The following RHOH variants were observed in gnomAD, a reference collection of about 807,000 sequenced individuals.
RHOH encodes rho-related GTP-binding protein RhoH.
RHOH carries 6 observed loss-of-function variants against 13.8 expected under a neutral mutation model. That is an observed-to-expected ratio of 0.44 (90% CI 0.24 to 0.86). The LOEUF is 0.86. Among genes scored for constraint, RHOH ranks in the 40% least tolerant of loss-of-function variants. The probability of loss-of-function intolerance (pLI) is 0.24; values close to 1 mark genes in which losing one functional copy is unlikely to be tolerated. For synonymous variants in RHOH, 117 were observed against 103.0 expected (o/e 1.14, Z -0.82); for missense variants, 147 against 244.5 (o/e 0.60, Z 2.66).
chr4:40,230,799 A>G (rs2109509454), intron 1 of RHOH, among the ~76,000 whole-genome samples: 1 of 152,228 alleles, frequency 6.6e-6, no homozygotes, highest in Admixed American at 6.5e-5. Context: ...GAGAGAATGA[A>G]ACAGACCTTT....
At chr4:40,211,146 A>C (rs1725221405) in intron 1 of RHOH, among the ~76,000 whole-genome samples, 1 of 152,202 alleles carries the variant, frequency 6.6e-6, no homozygotes, top group African/African-American at 2.4e-5. Flanking sequence ...ACTGTGTCTT[A>C]TTTCGATGTA....
chr4:40,207,336 C>T (rs575978016), intron 1 of RHOH, among the ~76,000 whole-genome samples: 2 of 152,130 alleles, frequency 1.3e-5, no homozygotes, highest in African/African-American at 2.4e-5. Context: ...TTTGAATTAA[C>T]AAAAGGCAAC....
chr4:40,195,356 T>A (rs1336769387), upstream of RHOH, among the ~76,000 whole-genome samples: 1 of 32,094 alleles, frequency 3.1e-5, no homozygotes, highest in Non-Finnish European at 7.1e-5. Context: ...TTCTTTCTTT[T>A]CCTTCCTTCC....
intron 1 of RHOH, among the ~76,000 whole-genome samples, chr4:40,208,625 A>C (rs921932906): frequency 1.3e-5 from 2 of 152,120 alleles, no homozygotes; most frequent in Non-Finnish European, 2.9e-5. Flanking sequence ...CTTTTTTCAG[A>C]AAAATTGTGA....
upstream of RHOH, among the ~76,000 whole-genome samples, chr4:40,196,706 T>TC (rs1484430714): frequency 3.3e-5 from 5 of 151,640 alleles, no homozygotes; most frequent in Admixed American, 6.6e-5. Flanking sequence ...TTTTTTTTTT[T>TC]TTTTTGGTAA....
chr4:40,219,410 C>CAA (rs35585203), intron 1 of RHOH, among the ~76,000 whole-genome samples: 1,214 of 92,574 alleles, frequency 0.013, 34 homozygotes, highest in African/African-American at 0.053. Context: ...GACTCCATCT[C>CAA]AAAAAAAAAA....
chr4:40,217,710 C>T (rs1010625108), intron 1 of RHOH, among the ~76,000 whole-genome samples: 1 of 152,190 alleles, frequency 6.6e-6, no homozygotes, highest in East Asian at 1.9e-4. Flanking sequence ...GGCAGCTTGA[C>T]TTGTATTTTA....
At chr4:40,234,037 G>A (rs1163460709) in intron 1 of RHOH, among the ~76,000 whole-genome samples, 10 of 152,306 alleles carry the variant, frequency 6.6e-5, no homozygotes, top group Non-Finnish European at 1.5e-4. Flanking sequence ...TCAGCCATGC[G>A]TGGGCCATAG....
chr4:40,233,851 G>A (rs540889615), intron 1 of RHOH, among the ~76,000 whole-genome samples: 5 of 151,816 alleles, frequency 3.3e-5, no homozygotes, highest in Non-Finnish European at 7.4e-5. Flanking sequence ...GCTTGAACTT[G>A]GGAGGCAGAG....
chr4:40,245,853 C>T lies in RHOH; in HGVS notation c.*1891C>T, dbSNP rs1729732976. ...CACACATTGCTTTCTCCTTCTCTCTCTCCTCCTATCCACAGCCAGTAAAAG... is the reference window on the plus strand; with the variant it reads ...CACACATTGCTTTCTCCTTCTCTCTTTCCTCCTATCCACAGCCAGTAAAAG... On this transcript the variant is annotated 3_prime_UTR_variant, in exon 3 of 3. Transcript: ENST00000381799. 6.6e-6 allele frequency: 1 copy of T among 152,290 alleles called. No homozygotes were observed. The highest frequency in any genetic ancestry group is 6.5e-5 in the Admixed American group (1 of 15,294). The allele number at this position is 152,290 out of a possible 1,614,324, so 9.4% of individuals were successfully genotyped here.
intron 1 of RHOH, 71 bp downstream of exon 1, chr4:40,197,371 T>C (rs1723292508): frequency 6.6e-6 from 1 of 152,160 alleles, no homozygotes; most frequent in South Asian, 2.1e-4. Flanking sequence ...ATTTAGCTTT[T>C]ACTCTAGGCC....
At chr4:40,203,901 C>T (rs1254021776) in intron 1 of RHOH, among the ~76,000 whole-genome samples, 3 of 152,034 alleles carry the variant, frequency 2.0e-5, no homozygotes, top group Non-Finnish European at 4.4e-5. Context: ...GGTTATTAAA[C>T]CCGTGGTAGA....
chr4:40,192,828 G>C (rs1012671025), upstream of RHOH: 10 of 152,296 alleles, frequency 6.6e-5, no homozygotes, highest in African/African-American at 2.4e-4. Flanking sequence ...AGTTCTCTCT[G>C]TGGGGAGGCA....
In RHOH at chr4:40,245,387, A is replaced by G. The variant is rs1729698813; in HGVS notation, c.*1425A>G. The G allele has an allele frequency of 6.6e-6, 1 of 151,948 alleles. No homozygotes were observed. The highest frequency in any genetic ancestry group is 2.1e-4 in the South Asian group (1 of 4,816). The allele number at this position is 151,948 out of a possible 1,614,324, so 9.4% of individuals were successfully genotyped here. A position where few individuals can be genotyped will look rare whatever the true frequency, so the allele number is the denominator to read the frequency against. On this transcript the variant is annotated 3_prime_UTR_variant, in exon 3 of 3. Coordinates refer to ENST00000381799, the MANE Select transcript of RHOH (RefSeq NM_004310.5). ...CCCGTCTCTTCTAAATATTAGCTAA[A>G]AATTAGCTGGGTGTGGTGGCACATG... is the stretch of plus-strand genomic sequence containing the variant.
chr4:40,232,743 C>T (rs1372311814), intron 1 of RHOH, among the ~76,000 whole-genome samples: 1 of 152,164 alleles, frequency 6.6e-6, no homozygotes, highest in Non-Finnish European at 1.5e-5. Flanking sequence ...ACTGAGCAGC[C>T]CACAGTGCAA....
intron 1 of RHOH, among the ~76,000 whole-genome samples, chr4:40,213,038 G>T (rs901282281): frequency 6.6e-6 from 1 of 152,186 alleles, no homozygotes; most frequent in Non-Finnish European, 1.5e-5. Context: ...CTAAACTATA[G>T]TCCTTCTTAG....
At chr4:40,224,738 C>T (rs752308999) in intron 1 of RHOH, among the ~76,000 whole-genome samples, 4 of 152,214 alleles carry the variant, frequency 2.6e-5, no homozygotes, top group Non-Finnish European at 5.9e-5. Context: ...ACAATGATAG[C>T]ACAGTGATTG....
At chr4:40,227,299 G>T (rs1309904225) in intron 1 of RHOH, among the ~76,000 whole-genome samples, 1 of 152,222 alleles carries the variant, frequency 6.6e-6, no homozygotes, top group Admixed American at 6.5e-5. Flanking sequence ...AATTTGGCAT[G>T]TCTATCTAGC....
At chr4:40,229,902 C>T (rs1306875571) in intron 1 of RHOH, among the ~76,000 whole-genome samples, 1 of 151,996 alleles carries the variant, frequency 6.6e-6, no homozygotes, top group Non-Finnish European at 1.5e-5. Flanking sequence ...AGATAAGGGC[C>T]TTAAAATACA....
Sources: allele counts gnomAD v4.1 joint callset (sites outside exome capture counted in the v4.1 genomes callset), GRCh38; gene constraint gnomAD v4.1.1; transcripts MANE v1.5; gene names NCBI Gene and HGNC (gene_info 2026-07-23, HGNC 2026-07-21).